RNMT: variants seen among roughly 807,000 people sequenced by gnomAD.
RNMT encodes the protein RNA guanine-7 methyltransferase, also known as mRNA cap guanine-N(7) methyltransferase.
A neutral mutation model predicts 56.0 loss-of-function variants in RNMT; 27 were observed. That is an observed-to-expected ratio of 0.48 (90% CI 0.36 to 0.67). The LOEUF is 0.67. Among genes scored for constraint, RNMT ranks in the 30% least tolerant of loss-of-function variants. RNMT has a pLI of 0.00. For synonymous variants in RNMT, 184 were observed against 176.2 expected (o/e 1.04, Z -0.35); for missense variants, 519 against 552.1 (o/e 0.94, Z 0.60).
chr18:13,760,621 GCTTT>G lies in RNMT; in HGVS notation c.*647_*650del. 4 of 985,366 alleles carry G rather than the reference GCTTT, an allele frequency of 4.1e-6. No individual in the cohort carries two copies. The highest frequency in any genetic ancestry group is 9.4e-5 in the South Asian group (2 of 21,282). The allele number at this position is 985,366 out of a possible 1,614,324, so 61.0% of individuals were successfully genotyped here. A position where few individuals can be genotyped will look rare whatever the true frequency, so the allele number is the denominator to read the frequency against. ...CAGCATAGAATTTTGGAATTTTGGG[GCTTT>G]CTTTTCAGAAATTGCTACCATAGTA... On this transcript the variant is annotated 3_prime_UTR_variant, in exon 12 of 12. Transcript: ENST00000383314.
chr18:13,728,716 G>A (rs767707210), intron 1 of RNMT, among the ~76,000 whole-genome samples: 6 of 151,944 alleles, frequency 3.9e-5, no homozygotes, highest in African/African-American at 7.3e-5. Flanking sequence ...GTTTTGACTT[G>A]CATTTCCCTG....
intron 3 of RNMT, among the ~76,000 whole-genome samples, chr18:13,733,941 C>T (rs955936047): frequency 1.3e-5 from 2 of 152,010 alleles, no homozygotes; most frequent in Non-Finnish European, 2.9e-5. Flanking sequence ...TGGGTGTGTC[C>T]CTACCCAGAT....
At chr18:13,736,130 G>T (rs1205545249) in intron 4 of RNMT, among the ~76,000 whole-genome samples, 1 of 152,164 alleles carries the variant, frequency 6.6e-6, no homozygotes, top group Non-Finnish European at 1.5e-5. Flanking sequence ...ATGCTATTAA[G>T]ATTCATGGCA....
At chr18:13,742,767 A>G (rs1354558459) in intron 8 of RNMT, 115 bp downstream of exon 8, 3 of 783,444 alleles carry the variant, frequency 3.8e-6, no homozygotes, top group Non-Finnish European at 5.8e-6. Flanking sequence ...GAAAAAGTAT[A>G]ATCTTGTTTT....
At chr18:13,727,034 G>A (rs907021552) in intron 1 of RNMT, among the ~76,000 whole-genome samples, 15 of 152,226 alleles carry the variant, frequency 9.9e-5, no homozygotes, top group African/African-American at 3.6e-4. Flanking sequence ...GGGGTCCGCA[G>A]GTTTGTCTTC....
rs2044251651 is a variant in RNMT, at chr18:13,741,562, G to A, written c.845G>A (p.Ser282Asn). The A allele has an allele frequency of 1.9e-6, 3 of 1,613,728 alleles. No individual in the cohort carries two copies. The South Asian group carries it at 3.3e-5, about 18-fold the overall frequency. ...CCACAAATGTGTTTTGACATCTGCA[G>A]TTGTCAGTTTGTCTGTCATTACTCA... ...RDPQMCFDIC[S>N]CQFVCHYSFE... Residue 282 changes from serine (S) to asparagine (N), a missense_variant, in exon 7 of 12, where the codon AGT (serine) becomes AAT (asparagine). By Grantham distance (46) the Ser-to-Asn change is conservative. Coordinates refer to ENST00000383314, the MANE Select transcript of RNMT (RefSeq NM_003799.3).
chr18:13,762,099 C>T lies in RNMT; in HGVS notation c.*2120C>T. ...TCCACCGTCGGGCCAGGAAGAGCAC[C>T]TGTTGCTGCAAGCTCAGTGAAGTGG... On this transcript the variant is annotated 3_prime_UTR_variant, in exon 12 of 12. Transcript: ENST00000383314. The T allele has an allele frequency of 6.5e-7, 1 of 1,536,002 alleles. No individual in the cohort carries two copies. The highest frequency in any genetic ancestry group is 8.7e-7 in the Non-Finnish European group (1 of 1,146,842).
At chr18:13,752,491 CAT>C (rs1387379851) in intron 10 of RNMT, 64 bp downstream of exon 10, 50 of 981,946 alleles carry the variant, frequency 5.1e-5, no homozygotes, top group Non-Finnish European at 6.0e-5. Flanking sequence ...TATATGGAGA[CAT>C]AGGAAATGAT....
At chr18:13,754,915 T>C (rs947384773) in intron 11 of RNMT, among the ~76,000 whole-genome samples, 1 of 152,210 alleles carries the variant, frequency 6.6e-6, no homozygotes, top group Admixed American at 6.5e-5. Flanking sequence ...TGCAAAGATA[T>C]TCTGAAGTGA....
intron 3 of RNMT, among the ~76,000 whole-genome samples, chr18:13,733,294 A>G (rs1179800392): frequency 6.6e-6 from 1 of 152,184 alleles, no homozygotes; most frequent in Admixed American, 6.5e-5. Context: ...CAGGAAGCAC[A>G]AATTGAAAAC....
At chr18:13,735,066 A>G (rs2044136324) in intron 4 of RNMT, among the ~76,000 whole-genome samples, 1 of 152,218 alleles carries the variant, frequency 6.6e-6, no homozygotes, top group African/African-American at 2.4e-5. Flanking sequence ...CAGAGAAAAT[A>G]TGATTCAGAA....
At chr18:13,750,226 A>T (rs1189378869) in intron 9 of RNMT, among the ~76,000 whole-genome samples, 1 of 152,122 alleles carries the variant, frequency 6.6e-6, no homozygotes, top group African/African-American at 2.4e-5. Context: ...AAATATGGGA[A>T]ATGTCTGTAT....
At chr18:13,740,388 T>C in intron 6 of RNMT, 109 bp downstream of exon 6, 1 of 657,368 alleles carries the variant, frequency 1.5e-6, no homozygotes, top group Non-Finnish European at 2.6e-6. Context: ...TTTACTCTTA[T>C]TTTTTGAGAC....
At position 13,736,217 on chromosome 18, in the gene RNMT, A is replaced by T. The variant is rs137871873; in HGVS notation, c.554-793A>T. On this transcript the variant is annotated intron_variant, in intron 4 of 11. Transcript: ENST00000383314. ...TCCTGCAGAAGGTGAAAGTACTTGT[A>T]CAGGATATTTTTAGCCATCAAAATA... 1.8e-4 allele frequency among the ~76,000 whole-genome samples: 28 copies of T among 152,340 alleles called. 2 individuals carry two copies. The East Asian group carries it at 5.4e-3, about 29-fold the overall frequency.
chr18:13,764,453 ATTATG>A lies in RNMT; in HGVS notation c.*4477_*4481del, dbSNP rs2044656171. ...TCGTATCTGGTTTCTTTTCACCAAT[ATTATG>A]TTTGTGAGATTTTTGTTGCATGTAT... is the stretch of plus-strand genomic sequence containing the variant. On this transcript the variant is annotated 3_prime_UTR_variant, in exon 12 of 12. Coordinates refer to ENST00000383314, the MANE Select transcript of RNMT (RefSeq NM_003799.3). 1 of 151,636 alleles carries A rather than the reference ATTATG, an allele frequency of 6.6e-6. No homozygotes were observed. Among genetic ancestry groups the A allele is most frequent in the Non-Finnish European group, 1.5e-5 (1 of 68,030 alleles). The allele number at this position is 151,636 out of a possible 1,614,324, so 9.4% of individuals were successfully genotyped here. A position where few individuals can be genotyped will look rare whatever the true frequency, so the allele number is the denominator to read the frequency against.
At chr18:13,751,980 G>T (rs1423656707) in intron 9 of RNMT, among the ~76,000 whole-genome samples, 2 of 151,924 alleles carry the variant, frequency 1.3e-5, no homozygotes, top group East Asian at 3.9e-4. Flanking sequence ...TGGGGTGGGG[G>T]CCTGGGGGAG....
At chr18:13,757,173 C>A (rs2044557325) in intron 11 of RNMT, among the ~76,000 whole-genome samples, 1 of 152,156 alleles carries the variant, frequency 6.6e-6, no homozygotes, top group South Asian at 2.1e-4. Context: ...TGATGATCAT[C>A]TGAACCTTCA....
At chr18:13,733,404 G>C (rs908760593) in intron 3 of RNMT, among the ~76,000 whole-genome samples, 2 of 151,786 alleles carry the variant, frequency 1.3e-5, no homozygotes, top group Non-Finnish European at 2.9e-5. Flanking sequence ...TTTTTTGAGA[G>C]TCTCGCTCTG....
At position 13,760,250 on chromosome 18, in the gene RNMT, C is replaced by T. The variant is rs2149110759; in HGVS notation, c.*271C>T. ...TCCATTTGCCTCTATGATCTTAGCT[C>T]ATAAAAATATAATATGACTTGATAA... On this transcript the variant is annotated 3_prime_UTR_variant, in exon 12 of 12. Transcript: ENST00000383314. 1 of 1,148,438 alleles carries T rather than the reference C, an allele frequency of 8.7e-7. No individual in the cohort carries two copies. The highest frequency in any genetic ancestry group is 1.1e-6 in the Non-Finnish European group (1 of 933,842). 71.1% of individuals were successfully genotyped at this position (1,148,438 alleles called of 1,614,324 possible).
Sources: gnomAD v4.1 joint callset for allele counts (sites outside exome capture counted in the v4.1 genomes callset) on GRCh38, gnomAD v4.1.1 for gene constraint, MANE v1.5 for transcripts, NCBI Gene and HGNC (gene_info 2026-07-23, HGNC 2026-07-21) for gene names.